FNIP1: variants seen among roughly 807,000 people sequenced by gnomAD.
FNIP1 encodes the protein folliculin interacting protein 1, also known as folliculin-interacting protein 1.
Under a neutral mutation model 124.5 loss-of-function variants are expected in FNIP1, and 40 were observed. The ratio of observed to expected loss-of-function variants is 0.32; its 90% confidence interval spans 0.25 to 0.42. The LOEUF (loss-of-function observed/expected upper bound fraction) is 0.42, where lower values mean the gene tolerates loss of function less well. Among genes scored for constraint, FNIP1 ranks in the 10% least tolerant of loss-of-function variants. The pLI, the probability that FNIP1 is intolerant of heterozygous loss-of-function variation, is 1.00. For missense variants in FNIP1, 1,176 were observed against 1,403.7 expected, an observed-to-expected ratio of 0.84 and a Z score of 2.59; for synonymous variants, 472 against 470.6, an observed-to-expected ratio of 1.00 and a Z score of -0.04.
intron 15 of FNIP1, among the ~76,000 whole-genome samples, chr5:131,670,117 T>C (rs1164022535): frequency 6.6e-6 from 1 of 152,156 alleles, no homozygotes; most frequent in Non-Finnish European, 1.5e-5. Flanking sequence ...CCAACCCCAC[T>C]TCTATATGTA....
At chr5:131,781,357 C>T (rs1304947629) in intron 1 of FNIP1, among the ~76,000 whole-genome samples, 2 of 152,182 alleles carry the variant, frequency 1.3e-5, no homozygotes, top group Non-Finnish European at 2.9e-5. Flanking sequence ...ACAAAACAGC[C>T]TATTTATTAT....
At chr5:131,703,339 T>C (rs967850672) in intron 10 of FNIP1, among the ~76,000 whole-genome samples, 2 of 152,356 alleles carry the variant, frequency 1.3e-5, no homozygotes, top group Middle Eastern at 6.8e-3. Flanking sequence ...TAGAAATCTA[T>C]TATCCACCAG....
At chr5:131,773,086 T>C (rs1357222116) in intron 1 of FNIP1, among the ~76,000 whole-genome samples, 2 of 152,146 alleles carry the variant, frequency 1.3e-5, no homozygotes, top group African/African-American at 4.8e-5. Flanking sequence ...TGAGCATGCC[T>C]CAATTCTGAG....
At chr5:131,706,920 A>C (rs1769132735) in intron 8 of FNIP1, among the ~76,000 whole-genome samples, 1 of 152,246 alleles carries the variant, frequency 6.6e-6, no homozygotes, top group African/African-American at 2.4e-5. Flanking sequence ...TTAATGCAGC[A>C]GCTGGATTTT....
intron 1 of FNIP1, among the ~76,000 whole-genome samples, chr5:131,780,217 T>C (rs979959780): frequency 6.6e-6 from 1 of 152,072 alleles, no homozygotes; most frequent in Non-Finnish European, 1.5e-5. Context: ...CAATAAATAT[T>C]TGAAAGATGA....
intron 16 of FNIP1, among the ~76,000 whole-genome samples, chr5:131,651,160 C>A (rs930251758): frequency 3.3e-5 from 5 of 151,688 alleles, no homozygotes; most frequent in Non-Finnish European, 7.4e-5. Flanking sequence ...GAGGCTGGGG[C>A]AGGAGGAACA....
intron 1 of FNIP1, among the ~76,000 whole-genome samples, chr5:131,783,275 G>C (rs932719785): frequency 1.3e-5 from 2 of 151,924 alleles, no homozygotes; most frequent in African/African-American, 4.8e-5. Flanking sequence ...CAGAGAAAGA[G>C]GTTGAAAAAC....
intron 1 of FNIP1, among the ~76,000 whole-genome samples, chr5:131,764,347 A>AC (rs1452129456): frequency 7.0e-6 from 1 of 142,176 alleles, no homozygotes; most frequent in African/African-American, 2.6e-5. Context: ...CCACTTTGTC[A>AC]CCCAGGCTGG....
intron 9 of FNIP1, among the ~76,000 whole-genome samples, chr5:131,704,859 C>T (rs32108): frequency 0.43 from 65,354 of 151,852 alleles, 17,161 homozygotes; most frequent in Non-Finnish European, 0.58. Context: ...AGGCATCATG[C>T]ATCATGACAC....
Position 131,644,673 on chromosome 5 carries a change from T to A in FNIP1, c.*12A>T. On this transcript the variant is annotated 3_prime_UTR_variant, in exon 18 of 18. Coordinates refer to ENST00000510461, the MANE Select transcript of FNIP1 (RefSeq NM_133372.3). Reference sequence around the variant, plus strand: ...CTATTTTCCCACCAATTTCTAACAATTTTTAGGTATATTAAAGGAGTATTT... The same window carrying A: ...CTATTTTCCCACCAATTTCTAACAAATTTTAGGTATATTAAAGGAGTATTT... 1 of 1,611,498 alleles carries A rather than the reference T, an allele frequency of 6.2e-7. No individual in the cohort carries two copies. The highest frequency in any genetic ancestry group is 2.2e-5 in the East Asian group (1 of 44,836).
chr5:131,715,066 C>T (rs1307827948), intron 6 of FNIP1, among the ~76,000 whole-genome samples: 4 of 152,156 alleles, frequency 2.6e-5, no homozygotes, highest in African/African-American at 9.7e-5. Context: ...AAATGTTGCT[C>T]ATTATTTAAA....
chr5:131,749,760 ATACT>A (rs1171183238), intron 1 of FNIP1, among the ~76,000 whole-genome samples: 2 of 152,130 alleles, frequency 1.3e-5, no homozygotes, highest in Non-Finnish European at 1.5e-5. Flanking sequence ...AGATACACAA[ATACT>A]TACCATTGTG....
chr5:131,646,257 C>A (rs867635193), intron 17 of FNIP1, among the ~76,000 whole-genome samples: 1 of 152,180 alleles, frequency 6.6e-6, no homozygotes, highest in African/African-American at 2.4e-5. Flanking sequence ...TCATTCAAAT[C>A]CCTAATTAGT....
At chr5:131,746,729 T>C (rs1213244345) in intron 1 of FNIP1, among the ~76,000 whole-genome samples, 1 of 152,228 alleles carries the variant, frequency 6.6e-6, no homozygotes, top group Non-Finnish European at 1.5e-5. Context: ...TGAACAATGC[T>C]GCAATGAACA....
In FNIP1 at chr5:131,704,262, T is replaced by C. The variant is rs146451891; in HGVS notation, c.919A>G (p.Ile307Val). 2.3e-3 allele frequency: 3,638 copies of C among 1,579,778 alleles called. 111 individuals are homozygous for C. In the South Asian group the frequency reaches 0.041, roughly 18 times the overall value. ...TCTGAGAGATTAAAGCTTTCTTCTA[T>C]AGACCTTAAAAATAAATGATTTTTT... ...LENGVFPRWS[I>V]EESFNLSDES... is the part of the protein sequence containing the mutation. Residue 307 changes from isoleucine to valine, a missense_variant, in exon 10 of 18, where the codon ATA becomes GTA. Physicochemically the swap from Ile to Val is conservative, Grantham distance 29 (BLOSUM62 3). This residue lies in a region of FNIP1 where 1,109 missense variants were observed against 1,288.5 expected (regional missense o/e 0.86). Coordinates refer to ENST00000510461, the MANE Select transcript of FNIP1 (RefSeq NM_133372.3).
intron 3 of FNIP1, among the ~76,000 whole-genome samples, chr5:131,723,759 T>G (rs1329519146): frequency 6.6e-6 from 1 of 152,222 alleles, no homozygotes; most frequent in African/African-American, 2.4e-5. Context: ...GTGCAGAATG[T>G]GCAGGCTTGT....
chr5:131,772,922 T>C (rs895156419), intron 1 of FNIP1, among the ~76,000 whole-genome samples: 1 of 152,194 alleles, frequency 6.6e-6, no homozygotes, highest in Non-Finnish European at 1.5e-5. Context: ...ACCATATCAT[T>C]GTAAGTTACC....
At chr5:131,706,306 CAAACTT>C (rs1479117972) in intron 9 of FNIP1, 99 bp downstream of exon 9, 1 of 1,269,140 alleles carries the variant, frequency 7.9e-7, no homozygotes, top group East Asian at 2.5e-5. Flanking sequence ...TTTTCAGTTT[CAAACTT>C]AAAATACACA....
At chr5:131,736,301 T>C (rs1770301868) in intron 2 of FNIP1, among the ~76,000 whole-genome samples, 1 of 152,170 alleles carries the variant, frequency 6.6e-6, no homozygotes, top group African/African-American at 2.4e-5. Context: ...GTAGGTATTA[T>C]CGATGCTATT....
Sources: gnomAD v4.1 joint callset for allele counts (sites outside exome capture counted in the v4.1 genomes callset) on GRCh38, gnomAD v4.1.1 for gene constraint, gnomAD v4.1.1 regional missense constraint, MANE v1.5 for transcripts, NCBI Gene and HGNC (gene_info 2026-07-23, HGNC 2026-07-21) for gene names.